The following SEPTIN7 variants were observed in gnomAD, a reference collection of about 807,000 sequenced individuals.
SEPTIN7 encodes the protein septin 7.
Under a neutral mutation model 63.3 loss-of-function variants are expected in SEPTIN7, and 10 were observed. That is an observed-to-expected ratio of 0.16 (90% CI 0.10 to 0.27). SEPTIN7 has a LOEUF of 0.27. Among genes scored for constraint, SEPTIN7 ranks in the 10% least tolerant of loss-of-function variants. The pLI, the probability that SEPTIN7 is intolerant of heterozygous loss-of-function variation, is 1.00. For missense variants in SEPTIN7, 310 were observed against 521.0 expected, an observed-to-expected ratio of 0.59 and a Z score of 3.94; for synonymous variants, 131 against 165.3, an observed-to-expected ratio of 0.79 and a Z score of 1.59.
chr7:35,825,635 A>G (rs1453614278), intron 1 of SEPTIN7, among the ~76,000 whole-genome samples: 1 of 152,080 alleles, frequency 6.6e-6, no homozygotes, highest in African/African-American at 2.4e-5. Context: ...TCCCTATTAG[A>G]TTCTTAGCTT....
chr7:35,892,983 A>G (rs577288660), intron 11 of SEPTIN7, among the ~76,000 whole-genome samples: 1 of 152,188 alleles, frequency 6.6e-6, no homozygotes, highest in Non-Finnish European at 1.5e-5. Context: ...GAAATCGCTT[A>G]GAAGTTTTAT....
At chr7:35,806,690 C>T (rs916400812) in intron 1 of SEPTIN7, among the ~76,000 whole-genome samples, 1 of 152,196 alleles carries the variant, frequency 6.6e-6, no homozygotes, top group Admixed American at 6.5e-5. Context: ...TTGGAGTTCT[C>T]CTTCTACTGC....
intron 13 of SEPTIN7, 71 bp from the exon 14 acceptor site, chr7:35,904,183 G>A (rs1788486654): frequency 1.7e-6 from 2 of 1,165,398 alleles, no homozygotes; most frequent in Admixed American, 5.9e-5. Context: ...TGGGTTAGCT[G>A]TTGTTATCAT....
chr7:35,903,755 GAA>G (rs1788460904), intron 13 of SEPTIN7, among the ~76,000 whole-genome samples: 1 of 152,096 alleles, frequency 6.6e-6, no homozygotes, highest in Non-Finnish European at 1.5e-5. Flanking sequence ...ACTTAAAACT[GAA>G]AAGTGGCATT....
At chr7:35,802,811 T>TG (rs925281140) in intron 1 of SEPTIN7, among the ~76,000 whole-genome samples, 6 of 142,718 alleles carry the variant, frequency 4.2e-5, no homozygotes, top group Admixed American at 7.2e-5. Context: ...TGGGTGGTGA[T>TG]GGGGGGGTGG....
At chr7:35,829,657 A>G (rs934490705) in intron 1 of SEPTIN7, among the ~76,000 whole-genome samples, 2 of 152,200 alleles carry the variant, frequency 1.3e-5, no homozygotes, top group African/African-American at 4.8e-5. Flanking sequence ...TGCTCTCAGT[A>G]GCTTCCTTTT....
At chr7:35,841,060 G>T (rs1018489032) in intron 3 of SEPTIN7, among the ~76,000 whole-genome samples, 1 of 152,088 alleles carries the variant, frequency 6.6e-6, no homozygotes, top group Non-Finnish European at 1.5e-5. Flanking sequence ...CAGTCTTACA[G>T]ATTGCAGTCT....
intron 10 of SEPTIN7, among the ~76,000 whole-genome samples, chr7:35,886,433 T>TG (rs34405118): frequency 0.95 from 144,109 of 152,234 alleles, 68,635 homozygotes; most frequent in East Asian, 1. Flanking sequence ...GGACCAGGAC[T>TG]GTAAAGAGGA....
chr7:35,915,263 A>G, the SEPTIN7 span, among the ~76,000 whole-genome samples: 1 of 151,952 alleles, frequency 6.6e-6, no homozygotes, highest in Non-Finnish European at 1.5e-5. Flanking sequence ...ATACACATAT[A>G]TATATATACA....
intron 12 of SEPTIN7, 141 bp downstream of exon 12, chr7:35,898,524 T>G (rs1195348190): frequency 1.8e-6 from 1 of 554,322 alleles, no homozygotes; most frequent in African/African-American, 1.9e-5. Flanking sequence ...ACGGATAAAT[T>G]TCTAGAAGCA....
chr7:35,874,929 C>T (rs1415495823), intron 6 of SEPTIN7, among the ~76,000 whole-genome samples: 1 of 152,108 alleles, frequency 6.6e-6, no homozygotes, highest in African/African-American at 2.4e-5. Context: ...TGTGTAGCTA[C>T]TTGAATTTGT....
At chr7:35,897,090 T>TA (rs1337914386) in intron 11 of SEPTIN7, among the ~76,000 whole-genome samples, 8 of 152,164 alleles carry the variant, frequency 5.3e-5, no homozygotes, top group African/African-American at 1.9e-4. Context: ...TGACTAGCCT[T>TA]AAAGTTACGG....
chr7:35,860,011 GTTTTCTGTATGTCTTTTAGCT>G (rs1233471796), intron 3 of SEPTIN7, among the ~76,000 whole-genome samples: 1 of 151,252 alleles, frequency 6.6e-6, no homozygotes, highest in East Asian at 1.9e-4. Context: ...TTGCCATTTT[GTTTTCTGTATGTCTTTTAGCT>G]GTTTTGTCCT....
chr7:35,879,795 C>T (rs2116263029), intron 6 of SEPTIN7, 28 bp from the exon 7 acceptor site: 1 of 1,230,218 alleles, frequency 8.1e-7, no homozygotes, highest in African/African-American at 1.5e-5. Flanking sequence ...CTGATCAATT[C>T]AGTCAAATTA....
chr7:35,898,587 C>T (rs768878606), intron 12 of SEPTIN7: 8 of 457,684 alleles, frequency 1.7e-5, no homozygotes, highest in South Asian at 9.4e-5. Context: ...AGTGCTTGGA[C>T]GTAGTATATT....
At chr7:35,888,566 TC>T (rs1787424013) in intron 10 of SEPTIN7, among the ~76,000 whole-genome samples, 1 of 152,096 alleles carries the variant, frequency 6.6e-6, no homozygotes, top group Non-Finnish European at 1.5e-5. Flanking sequence ...ACACCTGTAA[TC>T]CCAGCATTTT....
chr7:35,846,647 C>T (rs6462630), intron 3 of SEPTIN7: 49,720 of 152,610 alleles, frequency 0.33, 8,332 homozygotes, highest in East Asian at 0.4. Flanking sequence ...TACCCCACCC[C>T]CAAGCCTCAG....
chr7:35,808,053 G>A (rs1202799414), intron 1 of SEPTIN7, among the ~76,000 whole-genome samples: 1 of 151,950 alleles, frequency 6.6e-6, no homozygotes, highest in Non-Finnish European at 1.5e-5. Flanking sequence ...TCCTGACCTC[G>A]TGATCTGCCT....
At chr7:35,881,598 C>G (rs1274689595) in intron 7 of SEPTIN7, among the ~76,000 whole-genome samples, 1 of 150,712 alleles carries the variant, frequency 6.6e-6, no homozygotes, top group Non-Finnish European at 1.5e-5. Context: ...CTTCTGTCTA[C>G]TATAGTAACC....
Sources: gnomAD v4.1 joint callset for allele counts (sites outside exome capture counted in the v4.1 genomes callset) on GRCh38, gnomAD v4.1.1 for gene constraint, MANE v1.5 for transcripts, NCBI Gene and HGNC (gene_info 2026-07-23, HGNC 2026-07-21) for gene names.